Variants in C3orf49 observed in about 807,000 individuals in gnomAD.
C3orf49 encodes chromosome 3 open reading frame 49, also known as putative uncharacterized protein C3orf49.
In C3orf49, 27 loss-of-function variants were observed where a neutral mutation model predicts 13.3. That is an observed-to-expected ratio of 2.02 (90% CI 1.49 to 2.79). The LOEUF is 2.79. Among genes scored for constraint, C3orf49 ranks in the 30% most tolerant of loss-of-function variants. C3orf49 has a pLI of 0.00. For missense variants in C3orf49, 242 were observed against 134.2 expected (o/e 1.80, Z -3.97); for synonymous variants, 87 against 47.6 (o/e 1.83, Z -3.40).
At chr3:63,781,292 A>G in the C3orf49 span, among the ~76,000 whole-genome samples, 2 of 151,584 alleles carry the variant, frequency 1.3e-5, no homozygotes, top group Admixed American at 1.3e-4. Flanking sequence ...CAAAGATCAG[A>G]TAGTTGTAGA....
At chr3:63,829,813 A>G (rs1701510617) in intron 3 of C3orf49, among the ~76,000 whole-genome samples, 1 of 152,020 alleles carries the variant, frequency 6.6e-6, no homozygotes, top group East Asian at 1.9e-4. Context: ...AAAAATGTAA[A>G]AATTAGCTGG....
chr3:63,802,863 A>C, the C3orf49 span, among the ~76,000 whole-genome samples: 2 of 152,058 alleles, frequency 1.3e-5, no homozygotes, highest in Non-Finnish European at 2.9e-5. Flanking sequence ...AGCTGTGCTC[A>C]CTACCTTCAC....
the C3orf49 span, among the ~76,000 whole-genome samples, chr3:63,804,097 A>C: frequency 6.6e-6 from 1 of 152,088 alleles, no homozygotes; most frequent in Admixed American, 6.6e-5. Flanking sequence ...GGCGGAGCTC[A>C]GGAGATAATG....
At chr3:63,811,225 A>G in the C3orf49 span, among the ~76,000 whole-genome samples, 1 of 152,146 alleles carries the variant, frequency 6.6e-6, no homozygotes, top group East Asian at 1.9e-4. Context: ...AAAACTCTTC[A>G]CTTTCTGAAA....
chr3:63,839,939 T>G (rs543651226), intron 5 of C3orf49, among the ~76,000 whole-genome samples: 1 of 152,306 alleles, frequency 6.6e-6, no homozygotes, highest in African/African-American at 2.4e-5. Context: ...AATGGTAAAT[T>G]TTATGTTATG....
At chr3:63,815,541 G>A (rs1374095526), upstream of C3orf49, among the ~76,000 whole-genome samples, 2 of 152,026 alleles carry the variant, frequency 1.3e-5, no homozygotes, top group East Asian at 3.9e-4. Flanking sequence ...CCTCAGACAT[G>A]CCTGGTTTGC....
chr3:63,847,709 TC>T, intron 6 of C3orf49, among the ~76,000 whole-genome samples: 1 of 104,132 alleles, frequency 9.6e-6, no homozygotes, highest in East Asian at 2.5e-4. Context: ...TGCACTCCAG[TC>T]TGGGCAACAG....
the C3orf49 span, among the ~76,000 whole-genome samples, chr3:63,800,605 C>T: frequency 6.6e-6 from 1 of 152,094 alleles, no homozygotes; most frequent in Admixed American, 6.6e-5. Flanking sequence ...AAGCACTTAA[C>T]ATCACTGGTG....
At chr3:63,820,693 G>T (rs1196141328) in intron 1 of C3orf49, among the ~76,000 whole-genome samples, 1 of 152,156 alleles carries the variant, frequency 6.6e-6, no homozygotes, top group Non-Finnish European at 1.5e-5. Context: ...TATTAAAGGA[G>T]TCTCAGAGGG....
intron 1 of C3orf49, among the ~76,000 whole-genome samples, chr3:63,821,747 G>A (rs994580397): frequency 1.3e-5 from 2 of 151,936 alleles, no homozygotes; most frequent in Non-Finnish European, 2.9e-5. Flanking sequence ...TTGAAAGGAC[G>A]AGAATTACGC....
rs1477457228 is a variant in C3orf49, at chr3:63,831,629, G to C, written c.685-51G>C. On this transcript the variant is annotated intron_variant, in intron 4 of 6. Coordinates refer to ENST00000295896, the MANE Select transcript of C3orf49 (RefSeq NM_001355236.2). ...GAAAAGCAACTATCCCTTTGATTTT[G>C]ACAAGGCTTTCCAACACATGGCTTC... 4 of 683,306 alleles carry C rather than the reference G, an allele frequency of 5.9e-6. No homozygotes were observed. In the East Asian group the frequency reaches 1.1e-4, roughly 18 times the overall value. 42.3% of individuals were successfully genotyped at this position (683,306 alleles called of 1,614,324 possible).
intron 5 of C3orf49, chr3:63,835,267 T>G (rs540211076): frequency 1.9e-6 from 3 of 1,612,564 alleles, no homozygotes; most frequent in Non-Finnish European, 2.5e-6. Context: ...CCTGTATATA[T>G]AGATATATAG....
chr3:63,836,382 C>A lies in C3orf49; in HGVS notation c.849+4538C>A, dbSNP rs758129896. On this transcript the variant is annotated intron_variant, in intron 5 of 6. Coordinates refer to ENST00000295896, the MANE Select transcript of C3orf49 (RefSeq NM_001355236.2). ...TTCTGTAAGACATAAAAATATTTATCAAACTAAGGATTTTTTGAATGTGAA... is the reference window on the plus strand; with the variant it reads ...TTCTGTAAGACATAAAAATATTTATAAAACTAAGGATTTTTTGAATGTGAA... The A allele has an allele frequency of 3.9e-4, 627 of 1,607,342 alleles. 1 individual carries two copies. The highest frequency in any genetic ancestry group is 4.9e-4 in the Non-Finnish European group (580 of 1,175,876).
intron 5 of C3orf49, chr3:63,838,187 G>C (rs1316739991): frequency 1.0e-6 from 1 of 990,568 alleles, no homozygotes; most frequent in Non-Finnish European, 1.5e-6. Context: ...TTAAAAAATA[G>C]CTGTAACCCA....
intron 5 of C3orf49, chr3:63,839,592 C>T (rs1701713251): frequency 7.2e-7 from 1 of 1,393,238 alleles, no homozygotes; most frequent in African/African-American, 1.4e-5. Context: ...CTCACAGGAC[C>T]TTAATATAGG....
the C3orf49 span, among the ~76,000 whole-genome samples, chr3:63,806,904 C>T: frequency 6.6e-6 from 1 of 152,034 alleles, no homozygotes; most frequent in Non-Finnish European, 1.5e-5. Flanking sequence ...ACCATAAACT[C>T]TAACTGCAAA....
chr3:63,788,876 C>G, the C3orf49 span, among the ~76,000 whole-genome samples: 1 of 152,064 alleles, frequency 6.6e-6, no homozygotes, highest in African/African-American at 2.4e-5. Context: ...ATGTCTAGTT[C>G]GGTTGATCGA....
the C3orf49 span, among the ~76,000 whole-genome samples, chr3:63,781,741 T>C: frequency 2.4e-4 from 37 of 152,316 alleles, no homozygotes; most frequent in South Asian, 4.1e-4. Flanking sequence ...GGTTGGAGAT[T>C]GCAATGATAA....
chr3:63,807,227 A>T, the C3orf49 span, among the ~76,000 whole-genome samples: 1 of 152,320 alleles, frequency 6.6e-6, no homozygotes, highest in South Asian at 2.1e-4. Flanking sequence ...TTGGGATTAC[A>T]GGCGTGAGCC....
Sources: gnomAD v4.1 joint callset for allele counts (sites outside exome capture counted in the v4.1 genomes callset) on GRCh38, gnomAD v4.1.1 for gene constraint, MANE v1.5 for transcripts, NCBI Gene and HGNC (gene_info 2026-07-23, HGNC 2026-07-21) for gene names.